LSM12: variants seen among roughly 807,000 people sequenced by gnomAD.
The protein encoded by LSM12 is protein LSM12.
For synonymous variants in LSM12, 74 were observed against 87.3 expected (o/e 0.85, Z 0.85); for missense variants, 108 against 238.9 (o/e 0.45, Z 3.61).
intron 2 of LSM12, among the ~76,000 whole-genome samples, chr17:44,047,763 T>G (rs2049589117): frequency 6.6e-6 from 1 of 150,500 alleles, no homozygotes; most frequent in Non-Finnish European, 1.5e-5. Flanking sequence ...TTTAATTTTA[T>G]GTAGCGATGG....
intron 2 of LSM12, among the ~76,000 whole-genome samples, chr17:44,046,328 C>G (rs1446083643): frequency 6.6e-6 from 1 of 151,914 alleles, no homozygotes; most frequent in Non-Finnish European, 1.5e-5. Flanking sequence ...AGGTAGATAA[C>G]TAAGAGTAGA....
intron 2 of LSM12, among the ~76,000 whole-genome samples, chr17:44,045,988 G>A (rs1163595518): frequency 6.9e-6 from 1 of 144,214 alleles, no homozygotes; most frequent in Non-Finnish European, 1.5e-5. Context: ...CCAGGTTGGA[G>A]TGCAGTGGCG....
chr17:44,062,038 A>G (rs976657313), intron 2 of LSM12, among the ~76,000 whole-genome samples: 5 of 151,920 alleles, frequency 3.3e-5, no homozygotes, highest in Admixed American at 6.6e-5. Flanking sequence ...TGGCTAACAC[A>G]GTGAAACCCC....
Position 44,040,193 on chromosome 17 carries a change from C to T in LSM12, c.322G>A (p.Gly108Ser). ...AGCTGCTGGCCCTCTAGAGAGACAC[C>T]AGCACTGATTGCATAGGCCTGGCTC... ...KLSQAYAISA[G>S]VSLEGQQLFQ... Residue 108 changes from glycine to serine, a missense_variant, in exon 3 of 5, where the codon GGT (glycine) becomes AGT (serine). Coordinates refer to ENST00000293406, the MANE Select transcript of LSM12 (RefSeq NM_001371445.1). The T allele has an allele frequency of 6.2e-7, 1 of 1,613,938 alleles. No homozygotes were observed. Among genetic ancestry groups the T allele is most frequent in the East Asian group, 2.2e-5 (1 of 44,896 alleles).
intron 2 of LSM12, among the ~76,000 whole-genome samples, chr17:44,054,743 T>C (rs1204672126): frequency 1.3e-5 from 2 of 152,176 alleles, no homozygotes; most frequent in Admixed American, 1.3e-4. Flanking sequence ...TTCCTGATGC[T>C]TCTATGATGA....
At chr17:44,064,570 CAA>C (rs72236200) in intron 1 of LSM12, among the ~76,000 whole-genome samples, 1 of 141,376 alleles carries the variant, frequency 7.1e-6, no homozygotes, top group East Asian at 2.0e-4. Flanking sequence ...CCGTCACTAC[CAA>C]AAAAAAAAAA....
intron 2 of LSM12, among the ~76,000 whole-genome samples, chr17:44,053,571 G>C (rs2049673499): frequency 6.6e-6 from 1 of 152,142 alleles, no homozygotes; most frequent in Admixed American, 6.6e-5. Context: ...TGAAGGGAGA[G>C]AGTGCAAGAG....
chr17:44,061,398 G>T (rs1369815879), intron 2 of LSM12, among the ~76,000 whole-genome samples: 3 of 150,392 alleles, frequency 2.0e-5, no homozygotes, highest in African/African-American at 4.9e-5. Flanking sequence ...GACACTCAAA[G>T]AGCTCCTATA....
intron 2 of LSM12, among the ~76,000 whole-genome samples, chr17:44,043,095 GA>G (rs1310370649): frequency 2.0e-5 from 3 of 151,930 alleles, no homozygotes; most frequent in Non-Finnish European, 2.9e-5. Flanking sequence ...GTTTGACTAT[GA>G]AAAAAAAGGA....
intron 2 of LSM12, among the ~76,000 whole-genome samples, chr17:44,042,298 G>A (rs2049505316): frequency 6.6e-6 from 1 of 151,802 alleles, no homozygotes; most frequent in Non-Finnish European, 1.5e-5. Context: ...AAAAAAAAAT[G>A]GGGGAGCCAT....
At chr17:44,053,987 A>T (rs1303787659) in intron 2 of LSM12, among the ~76,000 whole-genome samples, 3 of 152,130 alleles carry the variant, frequency 2.0e-5, no homozygotes, top group African/African-American at 7.2e-5. Context: ...AACTGTCTCC[A>T]CGTCAAGGGT....
intron 2 of LSM12, among the ~76,000 whole-genome samples, chr17:44,049,209 C>A (rs1597889438): frequency 6.6e-6 from 1 of 152,068 alleles, no homozygotes; most frequent in Non-Finnish European, 1.5e-5. Flanking sequence ...ACAACAACAA[C>A]AAAAACAAAA....
At chr17:44,058,152 G>A (rs1011891466) in intron 2 of LSM12, among the ~76,000 whole-genome samples, 1 of 151,752 alleles carries the variant, frequency 6.6e-6, no homozygotes. Flanking sequence ...CAGGAGAATG[G>A]CGTGAACCCA....
chr17:44,044,670 G>C (rs1298428849), intron 2 of LSM12, among the ~76,000 whole-genome samples: 1 of 152,174 alleles, frequency 6.6e-6, no homozygotes, highest in East Asian at 1.9e-4. Flanking sequence ...CATCAATGGG[G>C]GAGACCGCTC....
At chr17:44,047,356 C>T (rs1472445167) in intron 2 of LSM12, among the ~76,000 whole-genome samples, 1 of 151,960 alleles carries the variant, frequency 6.6e-6, no homozygotes, top group Non-Finnish European at 1.5e-5. Context: ...AAGCAATTCT[C>T]CTGCCTCAGC....
At chr17:44,041,584 AAG>A (rs993814570) in intron 2 of LSM12, among the ~76,000 whole-genome samples, 31 of 152,180 alleles carry the variant, frequency 2.0e-4, no homozygotes, top group African/African-American at 5.8e-4. Context: ...GAGAAAAACG[AAG>A]AGTCTGAATT....
chr17:44,037,669 A>C, intron 3 of LSM12, 131 bp from the exon 4 acceptor site: 4 of 1,082,998 alleles, frequency 3.7e-6, no homozygotes, highest in Non-Finnish European at 5.1e-6. Context: ...ACTAGATGCC[A>C]GCAGCCCATA....
chr17:44,036,431 G>C, intron 4 of LSM12, 131 bp from the exon 5 acceptor site: 1 of 1,218,080 alleles, frequency 8.2e-7, no homozygotes. Flanking sequence ...CTTTGCCCTT[G>C]CTGTCTATTG....
intron 2 of LSM12, among the ~76,000 whole-genome samples, chr17:44,058,734 A>G (rs1030627672): frequency 4.1e-4 from 62 of 152,164 alleles, no homozygotes; most frequent in African/African-American, 1.4e-3. Context: ...TAGGAGGCTG[A>G]GGCAGGAGAA....
Sources: allele counts gnomAD v4.1 joint callset (sites outside exome capture counted in the v4.1 genomes callset), GRCh38; gene constraint gnomAD v4.1.1; transcripts MANE v1.5; gene names NCBI Gene and HGNC (gene_info 2026-07-23, HGNC 2026-07-21).